The following FAM184A variants were observed in gnomAD, a reference collection of about 807,000 sequenced individuals.
FAM184A encodes protein FAM184A.
A neutral mutation model predicts 143.8 loss-of-function variants in FAM184A; 99 were observed. The observed-to-expected ratio is 0.69, with a 90% CI of 0.58 to 0.81. FAM184A has a LOEUF of 0.81. Among genes scored for constraint, FAM184A ranks in the 40% least tolerant of loss-of-function variants. FAM184A has a pLI of 0.00. For synonymous variants in FAM184A, 427 were observed against 446.4 expected (o/e 0.96, Z 0.55); for missense variants, 1,217 against 1,310.5 (o/e 0.93, Z 1.10).
chr6:119,063,708 A>G (rs185808403), intron 1 of FAM184A, among the ~76,000 whole-genome samples: 20 of 152,288 alleles, frequency 1.3e-4, no homozygotes, highest in East Asian at 1.2e-3. Flanking sequence ...TAGTTGCTCC[A>G]AAGTGGTATT....
intron 11 of FAM184A, among the ~76,000 whole-genome samples, chr6:118,977,348 G>A (rs1007517460): frequency 3.9e-5 from 6 of 152,160 alleles, no homozygotes; most frequent in Non-Finnish European, 7.3e-5. Context: ...TTGGGAGGCC[G>A]AGACCCGTAG....
intron 1 of FAM184A, among the ~76,000 whole-genome samples, chr6:119,142,509 C>A (rs939156485): frequency 5.3e-5 from 8 of 152,178 alleles, no homozygotes; most frequent in African/African-American, 1.9e-4. Flanking sequence ...ACAGTGAATG[C>A]AGACCCAGTT....
chr6:119,122,381 A>T (rs571531899), intron 1 of FAM184A, among the ~76,000 whole-genome samples: 1 of 152,298 alleles, frequency 6.6e-6, no homozygotes, highest in Admixed American at 6.5e-5. Flanking sequence ...AGAGTAGAAG[A>T]GGAGACTTTA....
At chr6:119,110,683 A>G (rs1021856705) in intron 1 of FAM184A, among the ~76,000 whole-genome samples, 3 of 152,208 alleles carry the variant, frequency 2.0e-5, no homozygotes, top group Non-Finnish European at 2.9e-5. Context: ...CATTTCAGGC[A>G]AGACTGTGAA....
chr6:119,009,876 G>A (rs1433925646), intron 6 of FAM184A, among the ~76,000 whole-genome samples: 1 of 152,140 alleles, frequency 6.6e-6, no homozygotes, highest in Non-Finnish European at 1.5e-5. Flanking sequence ...AAATGAATGA[G>A]TCACTTACAG....
intron 9 of FAM184A, among the ~76,000 whole-genome samples, chr6:118,989,242 G>A (rs985796136): frequency 1.1e-4 from 16 of 151,400 alleles, no homozygotes; most frequent in Non-Finnish European, 2.4e-4. Flanking sequence ...GATTACAGGC[G>A]TGAGCCACCG....
At position 119,102,621 on chromosome 6, in the gene FAM184A, C is replaced by T. The variant is rs184040565; in HGVS notation, c.-202+46457G>A. On this transcript the variant is annotated intron_variant, in intron 1 of 16. Transcript: ENST00000352896. ...TGGCCAATATGGTGAAGCCCCGTCT[C>T]TACTAAAAAATACATAATATTAGCT... Among the ~76,000 whole-genome samples, 12 of 151,626 alleles carry T rather than the reference C, an allele frequency of 7.9e-5. No homozygotes were observed. In the East Asian group the frequency reaches 2.1e-3, roughly 27 times the overall value.
At chr6:119,146,060 C>A (rs1582655126) in intron 1 of FAM184A, among the ~76,000 whole-genome samples, 1 of 152,090 alleles carries the variant, frequency 6.6e-6, no homozygotes, top group African/African-American at 2.4e-5. Flanking sequence ...TGGGGACAGT[C>A]TATGGGTGAA....
chr6:119,039,054 A>C (rs1242996973), intron 1 of FAM184A, among the ~76,000 whole-genome samples: 2 of 152,272 alleles, frequency 1.3e-5, no homozygotes, highest in Non-Finnish European at 2.9e-5. Context: ...AAGTATATGA[A>C]AATATGCTTA....
At chr6:118,969,993 A>ATAAAAAATATATATATATATATAT (rs1189865476) in intron 14 of FAM184A, among the ~76,000 whole-genome samples, 1 of 24,374 alleles carries the variant, frequency 4.1e-5, no homozygotes, top group Non-Finnish European at 7.8e-5. Context: ...ATATATATAT[A>ATAAAAAATATATATATATATATAT]ATATATATAT....
chr6:119,120,527 G>T (rs559938054), intron 1 of FAM184A, among the ~76,000 whole-genome samples: 1 of 152,224 alleles, frequency 6.6e-6, no homozygotes, highest in Non-Finnish European at 1.5e-5. Flanking sequence ...CAGAGGTGGA[G>T]TTGCTGTGTC....
intron 4 of FAM184A, among the ~76,000 whole-genome samples, chr6:119,017,348 A>G (rs1562475302): frequency 6.6e-6 from 1 of 152,144 alleles, no homozygotes; most frequent in Non-Finnish European, 1.5e-5. Context: ...AATACAAAAA[A>G]TTAGCTGGGC....
chr6:119,006,638 T>C, intron 6 of FAM184A, 30 bp from the exon 7 acceptor site: 4 of 1,536,038 alleles, frequency 2.6e-6, no homozygotes, highest in Non-Finnish European at 3.5e-6. Flanking sequence ...TTTTAATATA[T>C]TTCATTGTAA....
chr6:119,102,296 G>A (rs1788658213), intron 1 of FAM184A, among the ~76,000 whole-genome samples: 1 of 152,030 alleles, frequency 6.6e-6, no homozygotes, highest in Non-Finnish European at 1.5e-5. Context: ...CCAGCAGTTA[G>A]TGGAATTCTT....
chr6:119,006,701 T>A, intron 6 of FAM184A, 93 bp from the exon 7 acceptor site: 1 of 1,013,872 alleles, frequency 9.9e-7, no homozygotes, highest in Non-Finnish European at 1.4e-6. Context: ...TATTTAGTTG[T>A]AATTTTACTG....
At chr6:118,986,434 A>G (rs1053134886) in intron 9 of FAM184A, among the ~76,000 whole-genome samples, 2 of 152,208 alleles carry the variant, frequency 1.3e-5, no homozygotes, top group Admixed American at 1.3e-4. Context: ...GAATTCTTGT[A>G]TGGAAAGCTG....
At chr6:119,032,935 A>G (rs959885688) in intron 1 of FAM184A, among the ~76,000 whole-genome samples, 7 of 152,218 alleles carry the variant, frequency 4.6e-5, no homozygotes, top group Admixed American at 6.5e-5. Flanking sequence ...CAAACTTCTC[A>G]AAAACAGTGG....
intron 1 of FAM184A, among the ~76,000 whole-genome samples, chr6:119,046,479 C>T (rs1471526835): frequency 6.6e-6 from 1 of 151,940 alleles, no homozygotes; most frequent in African/African-American, 2.4e-5. Flanking sequence ...CCTGCCTCGG[C>T]CTGAAAAGGT....
Position 119,011,707 on chromosome 6 carries a change from T to TA in FAM184A, c.1531-277dup, listed in dbSNP as rs556054512. On this transcript the variant is annotated intron_variant, in intron 5 of 17. Transcript: ENST00000338891. The stretch of plus-strand genomic sequence containing the variant: ...AGTCCAAAAACAGAAAAGTGTGAGA[T>TA]AAAAAATTCTAATTACCTCTTGAAT... 1.7e-3 allele frequency among the ~76,000 whole-genome samples: 262 copies of TA among 152,304 alleles called. 3 individuals are homozygous for TA. The highest frequency in any genetic ancestry group is 4.9e-4 in the Non-Finnish European group (33 of 68,024).
Sources: allele counts gnomAD v4.1 joint callset (sites outside exome capture counted in the v4.1 genomes callset), GRCh38; gene constraint gnomAD v4.1.1; transcripts MANE v1.5; gene names NCBI Gene and HGNC (gene_info 2026-07-23, HGNC 2026-07-21).